Variants in ADNP2 observed in about 807,000 individuals in gnomAD.
ADNP2 encodes activity-dependent neuroprotector homeobox protein 2.
In ADNP2, 8 loss-of-function variants were observed where a neutral mutation model predicts 16.4. The observed-to-expected ratio is 0.49, with a 90% CI of 0.29 to 0.88. The LOEUF (loss-of-function observed/expected upper bound fraction) is 0.88, where lower values mean the gene tolerates loss of function less well. Ranked by LOEUF, ADNP2 falls within the 40% of genes least tolerant of loss-of-function variation. The pLI, the probability that ADNP2 is intolerant of heterozygous loss-of-function variation, is 0.09. For missense variants in ADNP2, 1,397 were observed against 1,395.1 expected, an observed-to-expected ratio of 1.00 and a Z score of -0.02; for synonymous variants, 637 against 545.8, an observed-to-expected ratio of 1.17 and a Z score of -2.33.
intron 2 of ADNP2, among the ~76,000 whole-genome samples, chr18:80,120,772 C>T (rs922891082): frequency 1.3e-5 from 2 of 151,962 alleles, no homozygotes; most frequent in African/African-American, 4.8e-5. Flanking sequence ...CTCCTGCCTC[C>T]GCCTCATGAG....
At position 80,135,670 on chromosome 18, in the gene ADNP2, C is replaced by G. The variant is rs148433366; in HGVS notation, c.257C>G (p.Thr86Ser). The G allele has an allele frequency of 1.2e-6, 2 of 1,614,208 alleles. No homozygotes were observed. Among genetic ancestry groups the G allele is most frequent in the Non-Finnish European group, 1.7e-6 (2 of 1,180,026 alleles). ...TGTAAATACTCTACAAAGGTGCTTA[C>G]TTCATTCAAGAATCATTTACATCGT... ...GLCKYSTKVL[T>S]SFKNHLHRYH... The change falls in exon 4 of 4, where the codon ACT becomes AGT. Residue 86 changes from threonine to serine, a missense_variant. This residue lies in a region of ADNP2 where 777 missense variants were observed against 719.4 expected (regional missense o/e 1.08). Coordinates refer to ENST00000262198, the MANE Select transcript of ADNP2 (RefSeq NM_014913.4).
At chr18:80,132,405 A>G (rs1282454811) in intron 2 of ADNP2, among the ~76,000 whole-genome samples, 1 of 152,208 alleles carries the variant, frequency 6.6e-6, no homozygotes, top group Non-Finnish European at 1.5e-5. Context: ...CATAGGTTAC[A>G]TGCAAGTAAC....
intron 2 of ADNP2, among the ~76,000 whole-genome samples, chr18:80,123,096 A>G (rs1487984125): frequency 2.6e-5 from 4 of 152,008 alleles, no homozygotes; most frequent in Non-Finnish European, 4.4e-5. Flanking sequence ...CCCGTGCTTC[A>G]TTCTACTAAT....
Position 80,138,959 on chromosome 18 carries a change from CCT to C in ADNP2, c.*151_*152del, listed in dbSNP as rs1447288901. The C allele has an allele frequency of 1.1e-5, 7 of 618,808 alleles. No individual in the cohort carries two copies. Among genetic ancestry groups the C allele is most frequent in the Non-Finnish European group, 1.7e-5 (7 of 405,592 alleles). The allele number at this position is 618,808 out of a possible 1,614,324, so 38.3% of individuals were successfully genotyped here. A position where few individuals can be genotyped will look rare whatever the true frequency, so the allele number is the denominator to read the frequency against. On this transcript the variant is annotated 3_prime_UTR_variant, in exon 4 of 4. Transcript: ENST00000262198. Reference sequence around the variant, plus strand: ...AGTTACTTCAGGTGCTGGAGAGACCCCTGTTACCAGGAAGCCAGTAGTTATTT... The same window carrying C: ...AGTTACTTCAGGTGCTGGAGAGACCCGTTACCAGGAAGCCAGTAGTTATTT...
intron 2 of ADNP2, among the ~76,000 whole-genome samples, chr18:80,132,737 T>C (rs1009548609): frequency 2.7e-5 from 4 of 150,450 alleles, no homozygotes; most frequent in Non-Finnish European, 4.4e-5. Flanking sequence ...CTCTCTCTCT[T>C]TCTTCTTTTC....
chr18:80,129,482 G>A (rs1029213255), intron 2 of ADNP2, among the ~76,000 whole-genome samples: 4 of 152,184 alleles, frequency 2.6e-5, no homozygotes, highest in African/African-American at 9.7e-5. Context: ...TGGGTTTGCA[G>A]TGCTTTCCCT....
At chr18:80,119,551 CCTT>C (rs369853856) in intron 2 of ADNP2, among the ~76,000 whole-genome samples, 20 of 152,298 alleles carry the variant, frequency 1.3e-4, no homozygotes, top group African/African-American at 4.8e-4. Context: ...TGTCGCTCTG[CCTT>C]CTTGTAAGAT....
At chr18:80,122,062 G>C (rs1261945304) in intron 2 of ADNP2, among the ~76,000 whole-genome samples, 1 of 152,048 alleles carries the variant, frequency 6.6e-6, no homozygotes, top group Non-Finnish European at 1.5e-5. Context: ...TGAGATTACA[G>C]GTGCCTACCA....
chr18:80,127,423 C>A (rs2052467389), intron 2 of ADNP2, among the ~76,000 whole-genome samples: 1 of 107,840 alleles, frequency 9.3e-6, no homozygotes, highest in East Asian at 2.8e-4. Flanking sequence ...CCAGTCTTTT[C>A]TTCGGCAGCA....
chr18:80,122,132 C>G (rs1470179799), intron 2 of ADNP2, among the ~76,000 whole-genome samples: 1 of 152,118 alleles, frequency 6.6e-6, no homozygotes, highest in African/African-American at 2.4e-5. Context: ...GTTGGCCAGG[C>G]TGATCTTGAA....
At position 80,136,861 on chromosome 18, in the gene ADNP2, A is replaced by G. The variant is rs1279323392; in HGVS notation, c.1448A>G (p.Gln483Arg). 9.3e-6 allele frequency: 15 copies of G among 1,613,776 alleles called. No homozygotes were observed. Among genetic ancestry groups the G allele is most frequent in the Non-Finnish European group, 1.3e-5 (15 of 1,179,956 alleles). The change falls in exon 4 of 4, where the codon CAG (glutamine) becomes CGG (arginine). Residue 483 changes from glutamine (Q) to arginine (R), a missense_variant. Coordinates refer to ENST00000262198, the MANE Select transcript of ADNP2 (RefSeq NM_014913.4). Reference protein sequence around the residue: ...SGVLPTGQMVQSGVLPVGQTA... With the variant: ...SGVLPTGQMVRSGVLPVGQTA... The stretch of plus-strand genomic sequence containing the variant: ...GTTCTTCCTACTGGCCAGATGGTCC[A>G]GTCAGGAGTTCTCCCTGTGGGCCAG...
At chr18:80,130,355 T>C (rs919585784) in intron 2 of ADNP2, among the ~76,000 whole-genome samples, 1 of 152,252 alleles carries the variant, frequency 6.6e-6, no homozygotes, top group African/African-American at 2.4e-5. Flanking sequence ...CACGCGATTA[T>C]GGACTTGATA....
intron 3 of ADNP2, among the ~76,000 whole-genome samples, chr18:80,134,515 G>C (rs1332963252): frequency 6.6e-6 from 1 of 151,946 alleles, no homozygotes; most frequent in African/African-American, 2.4e-5. Context: ...GGCTTTAGAT[G>C]AAGCTAGGTC....
rs1200133434 is a variant in ADNP2 at position 80,139,652 on chromosome 18, C to T, written c.*843C>T. On this transcript the variant is annotated 3_prime_UTR_variant, in exon 4 of 4. Coordinates refer to ENST00000262198, the MANE Select transcript of ADNP2 (RefSeq NM_014913.4). ...AGAATAAACATTGAAAGAATACACC[C>T]CAAAACTCTTCTCCTAACTTAACTA... 6.6e-6 allele frequency: 1 copy of T among 152,444 alleles called. No individual in the cohort carries two copies. The allele number at this position is 152,444 out of a possible 1,614,324, so 9.4% of individuals were successfully genotyped here.
intron 2 of ADNP2, among the ~76,000 whole-genome samples, chr18:80,127,890 T>G (rs1342989418): frequency 6.6e-6 from 1 of 152,206 alleles, no homozygotes; most frequent in Non-Finnish European, 1.5e-5. Flanking sequence ...CTTTCACTAG[T>G]TCCCACTAGT....
chr18:80,128,851 G>T (rs1037638546), intron 2 of ADNP2, among the ~76,000 whole-genome samples: 2 of 151,892 alleles, frequency 1.3e-5, no homozygotes, highest in Middle Eastern at 3.4e-3. Flanking sequence ...GAAAATGCAG[G>T]TAACCGTTTC....
intron 2 of ADNP2, among the ~76,000 whole-genome samples, chr18:80,120,813 T>C (rs910228012): frequency 2.4e-4 from 37 of 151,990 alleles, no homozygotes; most frequent in African/African-American, 8.5e-4. Flanking sequence ...TACCACCAAG[T>C]CCAACTAATT....
At position 80,137,870 on chromosome 18, in the gene ADNP2, C is replaced by T. The variant is rs946452150; in HGVS notation, c.2457C>T (p.Leu819=). 3 of 1,614,136 alleles carry T rather than the reference C, an allele frequency of 1.9e-6. No homozygotes were observed. Among genetic ancestry groups the T allele is most frequent in the Non-Finnish European group, 2.5e-6 (3 of 1,180,040 alleles). The change falls in exon 4 of 4, where the codon CTC becomes CTT. Residue 819 remains leucine (L), a synonymous_variant. Transcript: ENST00000262198. The surrounding 1 kb of genome is among the most constrained non-coding windows in gnomAD (Gnocchi z 4.2). ...ATGTCGATGCCAATGGCAACCTGCT[C>T]TTTCCCCACCTTGATTTCATCACCA... The part of the protein sequence containing the change: ...QLDVDANGNL[L]FPHLDFITIL...
intron 2 of ADNP2, among the ~76,000 whole-genome samples, chr18:80,123,258 A>T (rs538264210): frequency 1.3e-5 from 2 of 152,180 alleles, no homozygotes; most frequent in African/African-American, 2.4e-5. Context: ...ATCTGTGTTC[A>T]TAAGGAATAT....
Sources: gnomAD v4.1 joint callset for allele counts (sites outside exome capture counted in the v4.1 genomes callset) on GRCh38, gnomAD v4.1.1 for gene constraint, gnomAD v4.1.1 regional missense constraint, Gnocchi (gnomAD v3.1) non-coding constraint, MANE v1.5 for transcripts, NCBI Gene and HGNC (gene_info 2026-07-23, HGNC 2026-07-21) for gene names.